HAS3: variants seen among roughly 807,000 people sequenced by gnomAD.
The protein encoded by HAS3 is hyaluronan synthase 3, also known as HA synthase 3.
In HAS3, 27 loss-of-function variants were observed where a neutral mutation model predicts 50.3. The ratio of observed to expected loss-of-function variants is 0.54; its 90% CI spans 0.40 to 0.74. The LOEUF (loss-of-function observed/expected upper bound fraction) is 0.74. HAS3 is among the 30% of genes least tolerant of loss of function. The probability of loss-of-function intolerance (pLI) is 0.00; values close to 1 mark genes in which losing one functional copy is unlikely to be tolerated. For synonymous variants in HAS3, 339 were observed against 310.9 expected (o/e 1.09, Z -0.95); for missense variants, 517 against 742.8 (o/e 0.70, Z 3.53).
At chr16:69,089,469 A>G in the HAS3 span, among the ~76,000 whole-genome samples, 4 of 152,170 alleles carry the variant, frequency 2.6e-5, no homozygotes, top group African/African-American at 9.7e-5. Context: ...TTGACCTCAG[A>G]GGGCCTGGCT....
rs770097327 is a variant in HAS3, at chr16:69,109,842, T to A, written c.447T>A (p.Phe149Leu). The change falls in exon 2 of 4, where the codon TTT (phenylalanine) becomes TTA (leucine). Residue 149 changes from phenylalanine (F) to leucine (L), a missense_variant. By Grantham distance (22) the Phe-to-Leu change is conservative (BLOSUM62 0). Transcript: ENST00000569188. The surrounding 1 kb of genome is among the most constrained non-coding windows in gnomAD (Gnocchi z 5.3). Reference sequence around the variant, plus strand: ...GCGGCACCGAGCAGGCCGGCTTCTTTGTGTGGCGCAGCAACTTCCATGAGG... The same window carrying A: ...GCGGCACCGAGCAGGCCGGCTTCTTAGTGTGGCGCAGCAACTTCCATGAGG... ...VLGGTEQAGF[F>L]VWRSNFHEAG... is the part of the protein sequence containing the mutation. The A allele has an allele frequency of 6.2e-7, 1 of 1,613,394 alleles. No homozygotes were observed. Among genetic ancestry groups the A allele is most frequent in the South Asian group, 1.1e-5 (1 of 91,092 alleles).
the HAS3 span, among the ~76,000 whole-genome samples, chr16:69,095,012 C>T: frequency 5.5e-5 from 7 of 127,324 alleles, no homozygotes; most frequent in Admixed American, 9.3e-5. Flanking sequence ...AGACAGTGTT[C>T]GCTCTGTCAC....
In HAS3 at chr16:69,106,125, C is replaced by G. The variant is rs1385635462; in HGVS notation, c.-1+338C>G. ...GGGGGTGCGCCCGCGGGGGCCCTCCCACTCTGGTCAACTTTCCCGGCCCCA... is the reference window on the plus strand; with the variant it reads ...GGGGGTGCGCCCGCGGGGGCCCTCCGACTCTGGTCAACTTTCCCGGCCCCA... On this transcript the variant is annotated intron_variant, in intron 1 of 3. Coordinates refer to ENST00000569188, the MANE Select transcript of HAS3 (RefSeq NM_001199280.2). The surrounding 1 kb of genome is among the most constrained non-coding windows in gnomAD (Gnocchi z 5.5). The G allele has an allele frequency of 6.6e-6, 1 of 152,066 alleles. No homozygotes were observed. Among genetic ancestry groups the G allele is most frequent in the Non-Finnish European group, 1.5e-5 (1 of 68,012 alleles). 9.4% of individuals were successfully genotyped at this position (152,066 alleles called of 1,614,324 possible). A position where few individuals can be genotyped will look rare whatever the true frequency, so the allele number is the denominator to read the frequency against.
rs749591512 is a variant in HAS3, at chr16:69,114,693, G to C, written c.1089G>C (p.Arg363=). 3.1e-6 allele frequency: 5 copies of C among 1,614,050 alleles called. No homozygotes were observed. The South Asian group carries it at 4.4e-5, about 14-fold the overall frequency. ...CCCGCTGGAGCAAGTCTTACTTCCG[G>C]GAGTGGCTCTACAACTCTCTGTGGT... ...QQTRWSKSYF[R]EWLYNSLWFH... The change falls in exon 4 of 4, where the codon CGG becomes CGC. Residue 363 remains arginine, a synonymous_variant. Coordinates refer to ENST00000569188, the MANE Select transcript of HAS3 (RefSeq NM_001199280.2). This position sits in a 1 kb window ranked among gnomAD's most constrained non-coding sequence, Gnocchi z 6.4.
chr16:69,103,898 C>T (rs1597089876), upstream of HAS3, among the ~76,000 whole-genome samples: 1 of 152,322 alleles, frequency 6.6e-6, no homozygotes, highest in East Asian at 1.9e-4. Flanking sequence ...GATGAAGACA[C>T]TGGGGCTTAC....
chr16:69,104,848 A>G (rs1238070899), upstream of HAS3, among the ~76,000 whole-genome samples: 1 of 152,094 alleles, frequency 6.6e-6, no homozygotes, highest in Non-Finnish European at 1.5e-5. Flanking sequence ...AATGGTGGGC[A>G]GGCAAGTCCC....
chr16:69,110,098 C>T, intron 2 of HAS3, 67 bp downstream of exon 2: 1 of 1,463,530 alleles, frequency 6.8e-7, no homozygotes, highest in Non-Finnish European at 9.3e-7. Context: ...AAACTCTCCG[C>T]CAAGAATCTG....
chr16:69,093,137 T>C, the HAS3 span, among the ~76,000 whole-genome samples: 1 of 152,252 alleles, frequency 6.6e-6, no homozygotes, highest in Admixed American at 6.5e-5. Flanking sequence ...AGATTGTTGC[T>C]TTCCCATCCA....
chr16:69,108,916 T>C (rs1486058283), intron 1 of HAS3, among the ~76,000 whole-genome samples: 2 of 152,046 alleles, frequency 1.3e-5, no homozygotes, highest in Non-Finnish European at 2.9e-5. Context: ...CCTCCAGGAG[T>C]GGGTGCAGGG....
the HAS3 span, among the ~76,000 whole-genome samples, chr16:69,087,007 C>T: frequency 6.6e-6 from 1 of 152,178 alleles, no homozygotes; most frequent in Non-Finnish European, 1.5e-5. Flanking sequence ...CCCATCCCCA[C>T]CCTGCTCTTC....
Position 69,114,849 on chromosome 16 carries a change from G to A in HAS3, c.1245G>A (p.Thr415=), listed in dbSNP as rs750020746. The part of the protein sequence containing the change: ...RIWNILLFLL[T]VQLVGIIKAT... ...GGAACATTCTCCTCTTCCTGCTGAC[G>A]GTGCAGCTGGTGGGCATTATCAAGG... is the stretch of plus-strand genomic sequence containing the variant. The change falls in exon 4 of 4, where the codon ACG becomes ACA. Residue 415 remains threonine, a synonymous_variant. Coordinates refer to ENST00000569188, the MANE Select transcript of HAS3 (RefSeq NM_001199280.2). This position sits in a 1 kb window ranked among gnomAD's most constrained non-coding sequence, Gnocchi z 6.4. The A allele has an allele frequency of 4.3e-6, 7 of 1,613,966 alleles. No homozygotes were observed. The highest frequency in any genetic ancestry group is 3.3e-5 in the South Asian group (3 of 91,082).
chr16:69,085,017 T>C, the HAS3 span: 1 of 152,292 alleles, frequency 6.6e-6, no homozygotes, highest in African/African-American at 2.4e-5. Context: ...TCTAGCTAGG[T>C]GTGTTTAAGG....
Position 69,115,636 on chromosome 16 carries a change from G to A in HAS3, c.*370G>A, listed in dbSNP as rs978250147. On this transcript the variant is annotated 3_prime_UTR_variant, in exon 4 of 4. Transcript: ENST00000569188. ...AGGTACCTGAGTGACGGCAACCTGC[G>A]GAAGGAGGTTCTCCCAGCCCATCTG... The A allele has an allele frequency of 6.0e-6, 6 of 1,007,046 alleles. No homozygotes were observed. The highest frequency in any genetic ancestry group is 4.6e-5 in the South Asian group (1 of 21,766). 62.4% of individuals were successfully genotyped at this position (1,007,046 alleles called of 1,614,324 possible). A position where few individuals can be genotyped will look rare whatever the true frequency, so the allele number is the denominator to read the frequency against.
Position 69,106,920 on chromosome 16 carries a change from A to T in HAS3, c.-1+1133A>T, listed in dbSNP as rs1469883589. 2.0e-5 allele frequency: 3 copies of T among 152,212 alleles called. No individual in the cohort carries two copies. The highest frequency in any genetic ancestry group is 4.4e-5 in the Non-Finnish European group (3 of 68,032). The allele number at this position is 152,212 out of a possible 1,614,324, so 9.4% of individuals were successfully genotyped here. On this transcript the variant is annotated intron_variant, in intron 1 of 3. Transcript: ENST00000569188. This position sits in a 1 kb window ranked among gnomAD's most constrained non-coding sequence, Gnocchi z 5.5. ...CCTGTCAGCGGGAGAGACGCTGCACACCAGCAGCCCCTCAAAGTTTCGGAG... is the reference window on the plus strand; with the variant it reads ...CCTGTCAGCGGGAGAGACGCTGCACTCCAGCAGCCCCTCAAAGTTTCGGAG...
At chr16:69,086,562 G>A in the HAS3 span, among the ~76,000 whole-genome samples, 3 of 149,660 alleles carry the variant, frequency 2.0e-5, no homozygotes, top group Non-Finnish European at 3.0e-5. Flanking sequence ...GTGTGTGTGT[G>A]TATGAATGAT....
In HAS3 at chr16:69,115,591, A is replaced by G; in HGVS notation, c.*325A>G. 9.5e-7 allele frequency: 1 copy of G among 1,056,620 alleles called. No individual in the cohort carries two copies. Among genetic ancestry groups the G allele is most frequent in the South Asian group, 4.4e-5 (1 of 22,694 alleles). The allele number at this position is 1,056,620 out of a possible 1,614,324, so 65.5% of individuals were successfully genotyped here. A position where few individuals can be genotyped will look rare whatever the true frequency, so the allele number is the denominator to read the frequency against. On this transcript the variant is annotated 3_prime_UTR_variant, in exon 4 of 4. Coordinates refer to ENST00000569188, the MANE Select transcript of HAS3 (RefSeq NM_001199280.2). Reference sequence around the variant, plus strand: ...GTTGTGCTAAACCAAGTTAAGTCCCATTCAGTGGCAACTTGTGATAGGTAC... The same window carrying G: ...GTTGTGCTAAACCAAGTTAAGTCCCGTTCAGTGGCAACTTGTGATAGGTAC...
Position 69,114,705 on chromosome 16 carries a change from C to T in HAS3, c.1101C>T (p.Tyr367=), listed in dbSNP as rs748395737. The T allele has an allele frequency of 6.2e-7, 1 of 1,614,034 alleles. No homozygotes were observed. The highest frequency in any genetic ancestry group is 8.5e-7 in the Non-Finnish European group (1 of 1,180,038). The change falls in exon 4 of 4, where the codon TAC becomes TAT. Residue 367 remains tyrosine, a synonymous_variant. Coordinates refer to ENST00000569188, the MANE Select transcript of HAS3 (RefSeq NM_001199280.2). The surrounding 1 kb of genome is among the most constrained non-coding windows in gnomAD (Gnocchi z 6.4). ...AGTCTTACTTCCGGGAGTGGCTCTA[C>T]AACTCTCTGTGGTTCCATAAGCACC... ...WSKSYFREWL[Y]NSLWFHKHHL...
the HAS3 span, among the ~76,000 whole-genome samples, chr16:69,087,021 C>T: frequency 6.6e-6 from 1 of 152,216 alleles, no homozygotes; most frequent in African/African-American, 2.4e-5. Flanking sequence ...GCTCTTCTCC[C>T]TCAGAGACCA....
In HAS3 at chr16:69,114,792, G is replaced by A. The variant is rs763003477; in HGVS notation, c.1188G>A (p.Thr396=). ...TGFFPFFLIA[T]VIQLFYRGRI... ...TCTTCCCCTTCTTCCTCATTGCCAC[G>A]GTTATACAGCTTTTCTACCGGGGCC... Residue 396 remains threonine (T), a synonymous_variant, in exon 4 of 4, where the codon ACG becomes ACA. Transcript: ENST00000569188. The surrounding 1 kb of genome is among the most constrained non-coding windows in gnomAD (Gnocchi z 6.4). The A allele has an allele frequency of 1.5e-5, 25 of 1,613,952 alleles. No individual in the cohort carries two copies. The highest frequency in any genetic ancestry group is 1.4e-4 in the South Asian group (13 of 91,074).
Sources: allele counts gnomAD v4.1 joint callset (sites outside exome capture counted in the v4.1 genomes callset), GRCh38; gene constraint gnomAD v4.1.1; non-coding constraint Gnocchi (gnomAD v3.1); transcripts MANE v1.5; gene names NCBI Gene and HGNC (gene_info 2026-07-23, HGNC 2026-07-21).